LHX4: variants seen among roughly 807,000 people sequenced by gnomAD.
The protein encoded by LHX4 is LIM homeobox 4.
Under a neutral mutation model 39.2 loss-of-function variants are expected in LHX4, and 16 were observed. The observed-to-expected ratio is 0.41, with a 90% CI of 0.28 to 0.62. The LOEUF (loss-of-function observed/expected upper bound fraction) is 0.62. Ranked by LOEUF, LHX4 falls within the 20% of genes least tolerant of loss-of-function variation. LHX4 has a pLI of 0.33. For synonymous variants in LHX4, 206 were observed against 198.1 expected (o/e 1.04, Z -0.33); for missense variants, 439 against 511.9 (o/e 0.86, Z 1.37).
intron 1 of LHX4, among the ~76,000 whole-genome samples, chr1:180,238,441 G>A (rs184378485): frequency 4.0e-4 from 61 of 152,324 alleles, no homozygotes; most frequent in Non-Finnish European, 6.6e-4. Flanking sequence ...AAAAAGACGT[G>A]AGTACACTGA....
rs1462784359 is a variant in LHX4, at chr1:180,274,448, G to A, written c.1042G>A (p.Val348Ile). ...LGIIAHAGQG[V>I]SQTLRAMAGG... ...CATCATTGCGCATGCAGGGCAGGGAGTAAGCCAGACGCTGAGAGCCATGGC... is the reference window on the plus strand; with the variant it reads ...CATCATTGCGCATGCAGGGCAGGGAATAAGCCAGACGCTGAGAGCCATGGC... The change falls in exon 6 of 6, where the codon GTA becomes ATA. Residue 348 changes from valine (V) to isoleucine (I), a missense_variant. Coordinates refer to ENST00000263726, the MANE Select transcript of LHX4 (RefSeq NM_033343.4). The A allele has an allele frequency of 1.9e-6, 3 of 1,614,230 alleles. No individual in the cohort carries two copies. Among genetic ancestry groups the A allele is most frequent in the Non-Finnish European group, 2.5e-6 (3 of 1,180,050 alleles).
At chr1:180,251,188 G>A (rs357073) in intron 2 of LHX4, among the ~76,000 whole-genome samples, 29,178 of 152,138 alleles carry the variant, frequency 0.19, 3,961 homozygotes, top group African/African-American at 0.38. Context: ...AGGCACTGGC[G>A]CATCAGAGCC....
intron 2 of LHX4, chr1:180,248,737 A>C (rs1647484684): frequency 4.1e-6 from 2 of 482,944 alleles, no homozygotes; most frequent in Non-Finnish European, 7.6e-6. Flanking sequence ...GGTGGTTGAC[A>C]AAGTTCTGCA....
At chr1:180,253,135 CT>C (rs1647697240) in intron 2 of LHX4, among the ~76,000 whole-genome samples, 1 of 152,178 alleles carries the variant, frequency 6.6e-6, no homozygotes, top group African/African-American at 2.4e-5. Flanking sequence ...GTCCCGAGCC[CT>C]GTTATAATTT....
Position 180,230,618 on chromosome 1 carries a change from C to G in LHX4, c.76+13C>G, listed in dbSNP as rs200078561. On this transcript the variant is annotated intron_variant, in intron 1 of 5. Coordinates refer to ENST00000263726, the MANE Select transcript of LHX4 (RefSeq NM_033343.4). This position sits in a 1 kb window ranked among gnomAD's most constrained non-coding sequence, Gnocchi z 5.8. ...GTGCCGATGCAACGTAAGACACCCC[C>G]CTTTCTCGCTGATTTAATTCTAACA... 9 of 1,610,280 alleles carry G rather than the reference C, an allele frequency of 5.6e-6. No individual in the cohort carries two copies. Among genetic ancestry groups the G allele is most frequent in the East Asian group, 2.2e-5 (1 of 44,848 alleles).
At position 180,232,589 on chromosome 1, in the gene LHX4, T is replaced by C. The variant is rs887686677; in HGVS notation, c.76+1984T>C. Among the ~76,000 whole-genome samples the C allele has an allele frequency of 1.2e-4, 19 of 152,202 alleles. No homozygotes were observed. The highest frequency in any genetic ancestry group is 2.6e-4 in the Non-Finnish European group (18 of 68,034). On this transcript the variant is annotated intron_variant, in intron 1 of 5. Coordinates refer to ENST00000263726, the MANE Select transcript of LHX4 (RefSeq NM_033343.4). The surrounding 1 kb of genome is among the most constrained non-coding windows in gnomAD (Gnocchi z 5.4). ...TAGAGGGGGTGGTCAGTCCTCCCTT[T>C]GTCCGAGTTTCGTGACCTTGGTTGG...
chr1:180,240,349 G>A (rs1162118868), intron 1 of LHX4, among the ~76,000 whole-genome samples: 1 of 152,040 alleles, frequency 6.6e-6, no homozygotes, highest in East Asian at 1.9e-4. Flanking sequence ...ATTCCTATCA[G>A]TACAAAGTTT....
rs1050733609 is a variant in LHX4 at position 180,278,652 on chromosome 1, A to G, written c.*4073A>G. 2.0e-5 allele frequency: 3 copies of G among 151,326 alleles called. No individual in the cohort carries two copies. The highest frequency in any genetic ancestry group is 4.4e-5 in the Non-Finnish European group (3 of 67,904). The allele number at this position is 151,326 out of a possible 1,614,324, so 9.4% of individuals were successfully genotyped here. ...ATCACACCAACTTTCCCACTTGAGG[A>G]CTGTGTTCGGCCAAACAAGCAGGTT... On this transcript the variant is annotated 3_prime_UTR_variant, in exon 6 of 6. Transcript: ENST00000263726.
intron 5 of LHX4, 136 bp from the exon 6 acceptor site, chr1:180,274,049 C>A: frequency 9.2e-7 from 1 of 1,083,782 alleles, no homozygotes; most frequent in South Asian, 1.3e-5. Context: ...ATTGGTGTGT[C>A]TGACCCATGC....
At chr1:180,260,744 G>A (rs1648080734) in intron 2 of LHX4, among the ~76,000 whole-genome samples, 2 of 151,834 alleles carry the variant, frequency 1.3e-5, no homozygotes, top group Non-Finnish European at 2.9e-5. Flanking sequence ...CATGCAGGGG[G>A]CTCAGAGCCA....
chr1:180,232,453 GC>G lies in LHX4; in HGVS notation c.76+1849del, dbSNP rs1349541372. Among the ~76,000 whole-genome samples, 1 of 152,196 alleles carries G rather than the reference GC, an allele frequency of 6.6e-6. No homozygotes were observed. Among genetic ancestry groups the G allele is most frequent in the African/African-American group, 2.4e-5 (1 of 41,448 alleles). On this transcript the variant is annotated intron_variant, in intron 1 of 5. Transcript: ENST00000263726. This position sits in a 1 kb window ranked among gnomAD's most constrained non-coding sequence, Gnocchi z 5.4. The stretch of plus-strand genomic sequence containing the variant: ...AAAATGCCCAGAACTCACCTTCAGA[GC>G]TACAGTTTGCCAAGGCTGAGTCTAG...
chr1:180,236,155 G>A (rs1391968203), intron 1 of LHX4, among the ~76,000 whole-genome samples: 1 of 149,522 alleles, frequency 6.7e-6, no homozygotes, highest in African/African-American at 2.5e-5. Context: ...CGCCTACAGG[G>A]CTGCAAATAC....
In LHX4 at chr1:180,230,446, T is replaced by C; in HGVS notation, c.-84T>C. On this transcript the variant is annotated 5_prime_UTR_variant, in exon 1 of 6. Transcript: ENST00000263726. This position sits in a 1 kb window ranked among gnomAD's most constrained non-coding sequence, Gnocchi z 5.8. ...CCAGCGGCCTGCTTGGGGTTTTAAT[T>C]ATTATTTTGAAATTTCTGAATCGAG... The C allele has an allele frequency of 8.2e-7, 1 of 1,212,962 alleles. No individual in the cohort carries two copies. Among genetic ancestry groups the C allele is most frequent in the Non-Finnish European group, 1.2e-6 (1 of 833,746 alleles). The allele number at this position is 1,212,962 out of a possible 1,614,324, so 75.1% of individuals were successfully genotyped here.
chr1:180,234,979 A>G lies in LHX4; in HGVS notation c.76+4374A>G, dbSNP rs1664277651. ...TTAAATGAGCGTTTGCTGCGCACCCATGGGCGGCTCACGATCCTGGGCACT... is the reference window on the plus strand; with the variant it reads ...TTAAATGAGCGTTTGCTGCGCACCCGTGGGCGGCTCACGATCCTGGGCACT... On this transcript the variant is annotated intron_variant, in intron 1 of 5. Transcript: ENST00000263726. The surrounding 1 kb of genome is among the most constrained non-coding windows in gnomAD (Gnocchi z 4.8). Among the ~76,000 whole-genome samples, 1 of 152,134 alleles carries G rather than the reference A, an allele frequency of 6.6e-6. No homozygotes were observed. Among genetic ancestry groups the G allele is most frequent in the African/African-American group, 2.4e-5 (1 of 41,430 alleles).
Position 180,274,288 on chromosome 1 carries a change from G to A in LHX4, c.882G>A (p.Gly294=). 1 of 1,614,230 alleles carries A rather than the reference G, an allele frequency of 6.2e-7. No individual in the cohort carries two copies. Among genetic ancestry groups the A allele is most frequent in the Non-Finnish European group, 8.5e-7 (1 of 1,180,044 alleles). The change falls in exon 6 of 6, where the codon GGG becomes GGA. Residue 294 remains glycine, a synonymous_variant. Transcript: ENST00000263726. ...QLMNGSFSMD[G]TGQSYQDLRD... is the part of the protein sequence containing the mutation. ...TGAATGGGAGCTTCTCCATGGACGG[G>A]ACAGGACAATCCTATCAGGACTTGA... is the stretch of plus-strand genomic sequence containing the variant.
intron 2 of LHX4, among the ~76,000 whole-genome samples, chr1:180,258,790 C>G (rs764237305): frequency 1.5e-4 from 23 of 151,756 alleles, no homozygotes; most frequent in Non-Finnish European, 3.2e-4. Flanking sequence ...GGCAACAGAG[C>G]GAGACCCTGT....
At chr1:180,245,357 C>T (rs988735165) in intron 1 of LHX4, among the ~76,000 whole-genome samples, 1 of 152,208 alleles carries the variant, frequency 6.6e-6, no homozygotes, top group Non-Finnish European at 1.5e-5. Flanking sequence ...CACCTCCTCA[C>T]CAAGACCTTC....
chr1:180,236,131 G>T (rs1428550322), intron 1 of LHX4, among the ~76,000 whole-genome samples: 1 of 150,846 alleles, frequency 6.6e-6, no homozygotes, highest in East Asian at 2.0e-4. Flanking sequence ...GAGCCCTCAA[G>T]ACGTCTCGGA....
At chr1:180,257,223 C>T (rs763955627) in intron 2 of LHX4, among the ~76,000 whole-genome samples, 1 of 152,198 alleles carries the variant, frequency 6.6e-6, no homozygotes, top group Non-Finnish European at 1.5e-5. Context: ...CTCTGGGCCC[C>T]CATTTCCTCC....
Sources: gnomAD v4.1 joint callset for allele counts (sites outside exome capture counted in the v4.1 genomes callset) on GRCh38, gnomAD v4.1.1 for gene constraint, Gnocchi (gnomAD v3.1) non-coding constraint, MANE v1.5 for transcripts, NCBI Gene and HGNC (gene_info 2026-07-23, HGNC 2026-07-21) for gene names.